Variants in MGAT4C observed in about 807,000 individuals in gnomAD.
The protein encoded by MGAT4C is alpha-1,3-mannosyl-glycoprotein 4-beta-N-acetylglucosaminyltransferase C.
MGAT4C carries 19 observed loss-of-function variants against 40.1 expected under a neutral mutation model. The observed-to-expected ratio is 0.47, with a 90% CI of 0.33 to 0.70. MGAT4C has a LOEUF of 0.70. Among genes scored for constraint, MGAT4C ranks in the 30% least tolerant of loss-of-function variants. MGAT4C has a pLI of 0.02. For synonymous variants in MGAT4C, 181 were observed against 187.1 expected (o/e 0.97, Z 0.27); for missense variants, 491 against 563.2 (o/e 0.87, Z 1.30).
intron 2 of MGAT4C, among the ~76,000 whole-genome samples, chr12:86,026,465 T>G (rs1397067738): frequency 6.6e-6 from 1 of 151,892 alleles, no homozygotes; most frequent in African/African-American, 2.4e-5. Flanking sequence ...CACAAATAGA[T>G]TCACTTTATT....
intron 1 of MGAT4C, among the ~76,000 whole-genome samples, chr12:86,229,360 A>G (rs1951224745): frequency 6.6e-6 from 1 of 151,956 alleles, no homozygotes; most frequent in African/African-American, 2.4e-5. Flanking sequence ...GTTCAGTTAC[A>G]GAAATCAGAA....
chr12:86,156,042 T>C (rs1884891318), intron 1 of MGAT4C, among the ~76,000 whole-genome samples: 1 of 152,144 alleles, frequency 6.6e-6, no homozygotes, highest in African/African-American at 2.4e-5. Context: ...ATCTTAAAAT[T>C]TCTTTATTAA....
At chr12:86,230,882 T>TA (rs61456019) in intron 1 of MGAT4C, among the ~76,000 whole-genome samples, 2 of 151,412 alleles carry the variant, frequency 1.3e-5, no homozygotes, top group Non-Finnish European at 3.0e-5. Context: ...TTTTTTTTTT[T>TA]ACTTTTTTCC....
rs909605156 is a variant in MGAT4C at position 86,281,162 on chromosome 12, G to T, written c.-57+52903C>A. Among the ~76,000 whole-genome samples, 4 of 151,558 alleles carry T rather than the reference G, an allele frequency of 2.6e-5. No individual in the cohort carries two copies. The South Asian group carries it at 8.4e-4, about 32-fold the overall frequency. On this transcript the variant is annotated intron_variant, in intron 4 of 7. Coordinates refer to the MGAT4C transcript ENST00000548651. ...TTCACTGTGCCCCTCCCTTCTTTTGGTAGTTTTTATGACTTACGGTATACA... is the reference window on the plus strand; with the variant it reads ...TTCACTGTGCCCCTCCCTTCTTTTGTTAGTTTTTATGACTTACGGTATACA...
At chr12:86,627,088 G>T (rs933776426) in intron 2 of MGAT4C, among the ~76,000 whole-genome samples, 4 of 152,172 alleles carry the variant, frequency 2.6e-5, no homozygotes, top group African/African-American at 9.7e-5. Flanking sequence ...GGCTCAGCTG[G>T]TCCCATGCCC....
intron 4 of MGAT4C, among the ~76,000 whole-genome samples, chr12:86,271,081 A>G (rs1189320393): frequency 6.6e-6 from 1 of 152,234 alleles, no homozygotes; most frequent in African/African-American, 2.4e-5. Context: ...AAAATCTAGG[A>G]AAAAGTATTT....
chr12:86,065,072 G>A (rs941523963), intron 1 of MGAT4C, among the ~76,000 whole-genome samples: 1 of 152,094 alleles, frequency 6.6e-6, no homozygotes, highest in Non-Finnish European at 1.5e-5. Context: ...GTAATTAATA[G>A]CCTACCAATC....
chr12:86,577,629 A>C (rs1960616404), intron 2 of MGAT4C, among the ~76,000 whole-genome samples: 1 of 151,836 alleles, frequency 6.6e-6, no homozygotes, highest in African/African-American at 2.4e-5. Flanking sequence ...CATTCCACAG[A>C]TAAATCTCAC....
At chr12:86,559,097 A>G (rs1959747792) in intron 2 of MGAT4C, among the ~76,000 whole-genome samples, 1 of 151,944 alleles carries the variant, frequency 6.6e-6, no homozygotes, top group Non-Finnish European at 1.5e-5. Flanking sequence ...AAAAAAGAAA[A>G]AGATTATCAT....
intron 2 of MGAT4C, among the ~76,000 whole-genome samples, chr12:86,594,103 C>T (rs994608875): frequency 6.6e-6 from 1 of 152,168 alleles, no homozygotes; most frequent in African/African-American, 2.4e-5. Flanking sequence ...TCGTCTGCCT[C>T]TTAAGTAGGG....
At chr12:86,302,544 T>C (rs1350478421) in intron 4 of MGAT4C, among the ~76,000 whole-genome samples, 1 of 150,394 alleles carries the variant, frequency 6.6e-6, no homozygotes, top group Non-Finnish European at 1.5e-5. Context: ...TTCTCCTGCC[T>C]CAGCCTCCCA....
chr12:86,117,119 A>T (rs1460960769), intron 1 of MGAT4C, among the ~76,000 whole-genome samples: 1 of 152,118 alleles, frequency 6.6e-6, no homozygotes, highest in East Asian at 1.9e-4. Flanking sequence ...TAATTTCACA[A>T]GGGAATGTTT....
intron 2 of MGAT4C, among the ~76,000 whole-genome samples, chr12:86,658,765 C>T (rs1245290473): frequency 1.3e-5 from 2 of 152,008 alleles, no homozygotes; most frequent in East Asian, 1.9e-4. Context: ...TTCACTCCTC[C>T]GGGAAAATTA....
At chr12:86,786,403 A>G (rs1178345905) in intron 1 of MGAT4C, among the ~76,000 whole-genome samples, 2 of 152,224 alleles carry the variant, frequency 1.3e-5, no homozygotes, top group East Asian at 1.9e-4. Flanking sequence ...ATATTAACCA[A>G]TGATGTCAGT....
intron 1 of MGAT4C, among the ~76,000 whole-genome samples, chr12:86,160,250 T>C (rs1885445742): frequency 6.6e-6 from 1 of 152,042 alleles, no homozygotes; most frequent in African/African-American, 2.4e-5. Flanking sequence ...TGTTTTCATA[T>C]ATTTCAAAGA....
intron 1 of MGAT4C, among the ~76,000 whole-genome samples, chr12:86,806,822 C>T (rs1374780005): frequency 4.6e-5 from 7 of 151,788 alleles, no homozygotes; most frequent in Non-Finnish European, 1.0e-4. Context: ...CACTTGGACA[C>T]AGGAAGGAGA....
At chr12:86,678,315 G>A (rs1949905345) in intron 2 of MGAT4C, among the ~76,000 whole-genome samples, 1 of 151,958 alleles carries the variant, frequency 6.6e-6, no homozygotes, top group African/African-American at 2.4e-5. Flanking sequence ...TACATGTGAT[G>A]GCTCAGTAGG....
At chr12:86,007,559 G>A (rs1203803318) in intron 2 of MGAT4C, among the ~76,000 whole-genome samples, 1 of 151,372 alleles carries the variant, frequency 6.6e-6, no homozygotes, top group Non-Finnish European at 1.5e-5. Context: ...TTTTTTGTCT[G>A]GTAGAATTCA....
At chr12:85,984,718 TTC>T (rs903236910) in intron 3 of MGAT4C, among the ~76,000 whole-genome samples, 572 of 151,982 alleles carry the variant, frequency 3.8e-3, no homozygotes, top group African/African-American at 0.013. Context: ...AAAGAAATAT[TTC>T]TCTCTCTCTC....
Sources: allele counts gnomAD v4.1 joint callset (sites outside exome capture counted in the v4.1 genomes callset), GRCh38; gene constraint gnomAD v4.1.1; transcripts MANE v1.5; gene names NCBI Gene and HGNC (gene_info 2026-07-23, HGNC 2026-07-21).